Variants in PRRG1 observed in about 807,000 individuals in gnomAD.
PRRG1 encodes proline rich and Gla domain 1.
In PRRG1, 5 loss-of-function variants were observed where a neutral mutation model predicts 11.8. The ratio of observed to expected loss-of-function variants is 0.42; its 90% CI spans 0.22 to 0.89. The LOEUF (loss-of-function observed/expected upper bound fraction) is 0.89. Ranked by LOEUF, PRRG1 falls within the 40% of genes least tolerant of loss-of-function variation. The pLI is 0.28. For synonymous variants in PRRG1, 66 were observed against 60.4 expected (o/e 1.09, Z -0.43); for missense variants, 155 against 166.1 (o/e 0.93, Z 0.37).
intron 1 of PRRG1, among the ~76,000 whole-genome samples, chrX:37,387,744 GC>G (rs781893116): frequency 5.4e-5 from 6 of 110,636 alleles, no homozygotes; most frequent in Non-Finnish European, 9.5e-5. Flanking sequence ...TCTGGCACTA[GC>G]CCCCCACAAA....
intron 1 of PRRG1, among the ~76,000 whole-genome samples, chrX:37,385,868 C>T (rs1439916760): frequency 1.8e-5 from 2 of 111,000 alleles, no homozygotes; most frequent in African/African-American, 6.6e-5. Flanking sequence ...TCAAGCGATA[C>T]TCCTGCTTCA....
chrX:37,363,761 TAC>T (rs1377897799), intron 1 of PRRG1, among the ~76,000 whole-genome samples: 1 of 111,749 alleles, frequency 8.9e-6, no homozygotes, highest in African/African-American at 3.3e-5. Flanking sequence ...TGTTTCATCT[TAC>T]TTGACCTTTC....
At chrX:37,445,901 G>C (rs1259470950) in intron 3 of PRRG1, among the ~76,000 whole-genome samples, 7 of 112,421 alleles carry the variant, frequency 6.2e-5, no homozygotes, top group African/African-American at 2.3e-4. Flanking sequence ...CAAAGGTAGA[G>C]TTAGTATGTA....
In PRRG1 at chrX:37,388,912, TTA is replaced by T. The variant is rs782446957; in HGVS notation, c.-41-17295_-41-17294del. Among the ~76,000 whole-genome samples, 21 of 112,577 alleles carry T rather than the reference TTA, an allele frequency of 1.9e-4. No individual in the cohort carries two copies. The East Asian group carries it at 5.3e-3, about 28-fold the overall frequency. On this transcript the variant is annotated intron_variant, in intron 1 of 3. Coordinates refer to ENST00000378628, the MANE Select transcript of PRRG1 (RefSeq NM_001142395.2). ...CTTTCCTTTTAAATATGTTCCAGTT[TTA>T]TGTTATTTCTTTGCCTACACATATT...
intron 3 of PRRG1, among the ~76,000 whole-genome samples, chrX:37,446,521 G>A (rs1324728787): frequency 8.9e-6 from 1 of 111,961 alleles, no homozygotes. Context: ...GATATGTGAT[G>A]AACTTCCTCA....
At chrX:37,371,470 G>C (rs2146530325) in intron 1 of PRRG1, among the ~76,000 whole-genome samples, 1 of 112,725 alleles carries the variant, frequency 8.9e-6, no homozygotes, top group East Asian at 2.8e-4. Flanking sequence ...AACACAAACA[G>C]GGCTGAAACA....
At chrX:37,453,058 A>G in intron 3 of PRRG1, 78 bp from the exon 4 acceptor site, 1 of 1,043,966 alleles carries the variant, frequency 9.6e-7, no homozygotes, top group African/African-American at 1.9e-5. Flanking sequence ...TGTTCATTGA[A>G]CCCAGACATT....
At chrX:37,372,104 G>T (rs1195829743) in intron 1 of PRRG1, among the ~76,000 whole-genome samples, 1 of 112,736 alleles carries the variant, frequency 8.9e-6, no homozygotes, top group Non-Finnish European at 1.9e-5. Context: ...TAGTGCTGAA[G>T]ATTTCCCTTT....
At chrX:37,442,219 A>G in intron 3 of PRRG1, 1 of 753,179 alleles carries the variant, frequency 1.3e-6, no homozygotes, top group Non-Finnish European at 1.6e-6. Flanking sequence ...TCTGTTCTCA[A>G]AGCAATAAAG....
chrX:37,354,659 C>T (rs1015412391), intron 1 of PRRG1, among the ~76,000 whole-genome samples: 4 of 110,684 alleles, frequency 3.6e-5, no homozygotes, highest in African/African-American at 6.6e-5. Context: ...TCCCAAAGTG[C>T]TGGGATTACA....
chrX:37,452,391 C>T (rs1274452062), intron 3 of PRRG1, among the ~76,000 whole-genome samples: 1 of 111,802 alleles, frequency 8.9e-6, no homozygotes, highest in Admixed American at 9.5e-5. Context: ...GACCAGGTTT[C>T]ATAACTAGTA....
intron 3 of PRRG1, among the ~76,000 whole-genome samples, chrX:37,450,453 G>C (rs1258648012): frequency 1.8e-5 from 2 of 111,788 alleles, no homozygotes; most frequent in African/African-American, 6.5e-5. Context: ...TTATTTCTCT[G>C]TAATTTTTTC....
At chrX:37,362,866 G>C (rs1293504431) in intron 1 of PRRG1, among the ~76,000 whole-genome samples, 1 of 111,308 alleles carries the variant, frequency 9.0e-6, no homozygotes, top group Admixed American at 9.5e-5. Context: ...CAAATCCTGT[G>C]TTAAAATGGG....
chrX:37,403,864 T>C (rs1556381263), intron 1 of PRRG1: 1 of 518,980 alleles, frequency 1.9e-6, no homozygotes, highest in African/African-American at 2.6e-5. Flanking sequence ...AATTGTCTTA[T>C]TTAAAATAAG....
intron 2 of PRRG1, among the ~76,000 whole-genome samples, chrX:37,416,358 T>G (rs984261442): frequency 8.9e-6 from 1 of 112,478 alleles, no homozygotes; most frequent in African/African-American, 3.2e-5. Flanking sequence ...TATAAAATTA[T>G]GCATTATAAG....
At position 37,406,196 on chromosome X, in the gene PRRG1, C is replaced by G. The variant is rs1206961059; in HGVS notation, c.-41-13C>G. The G allele has an allele frequency of 6.6e-6, 8 of 1,205,183 alleles. No individual in the cohort carries two copies. The African/African-American group carries it at 1.2e-4, about 18-fold the overall frequency. ...ATCAATCTGACTGTGTGTATGTGCT[C>G]TGTTTTGTACAGGGAATCATCATCC... On this transcript the variant is annotated splice_polypyrimidine_tract_variant and intron_variant, in intron 1 of 3. Transcript: ENST00000378628.
intron 1 of PRRG1, among the ~76,000 whole-genome samples, chrX:37,405,474 A>G (rs990020382): frequency 1.8e-5 from 2 of 111,669 alleles, no homozygotes; most frequent in Non-Finnish European, 3.8e-5. Flanking sequence ...TAAATACATG[A>G]TAGCTCTATG....
chrX:37,397,977 AAC>A (rs782125904), intron 1 of PRRG1, among the ~76,000 whole-genome samples: 5,530 of 83,895 alleles, frequency 0.066, 208 homozygotes, highest in African/African-American at 0.15. Context: ...TATAAAAACT[AAC>A]ACACACACAC....
chrX:37,350,137 C>A (rs952800927), intron 1 of PRRG1, among the ~76,000 whole-genome samples: 1 of 110,969 alleles, frequency 9.0e-6, no homozygotes, highest in Non-Finnish European at 1.9e-5. Flanking sequence ...TCCTGGTCCG[C>A]TGAATTTGAT....
Sources: gnomAD v4.1 joint callset for allele counts (sites outside exome capture counted in the v4.1 genomes callset) on GRCh38, gnomAD v4.1.1 for gene constraint, MANE v1.5 for transcripts, NCBI Gene and HGNC (gene_info 2026-07-23, HGNC 2026-07-21) for gene names.